The following EIF3H variants were observed in gnomAD, a reference collection of about 807,000 sequenced individuals.
EIF3H encodes eIF-3-gamma.
A neutral mutation model predicts 44.2 loss-of-function variants in EIF3H; 26 were observed. That is an observed-to-expected ratio of 0.59 (90% CI 0.43 to 0.82). EIF3H has a LOEUF of 0.82. Among genes scored for constraint, EIF3H ranks in the 40% least tolerant of loss-of-function variants. EIF3H has a pLI of 0.00. For missense variants in EIF3H, 359 were observed against 432.8 expected, an observed-to-expected ratio of 0.83 and a Z score of 1.51; for synonymous variants, 166 against 151.9, an observed-to-expected ratio of 1.09 and a Z score of -0.68.
chr8:116,650,392 A>G (rs1442356292), intron 5 of EIF3H, among the ~76,000 whole-genome samples: 1 of 152,208 alleles, frequency 6.6e-6, no homozygotes, highest in Admixed American at 6.5e-5. Flanking sequence ...TACCCTATGA[A>G]TATGTTTATA....
chr8:116,760,824 T>C (rs1586501237), intron 1 of EIF3H, among the ~76,000 whole-genome samples: 1 of 152,330 alleles, frequency 6.6e-6, no homozygotes, highest in East Asian at 1.9e-4. Context: ...AAACCATGAG[T>C]GAAAGAGTTG....
At chr8:116,699,290 A>C (rs1563645984) in intron 2 of EIF3H, among the ~76,000 whole-genome samples, 1 of 152,212 alleles carries the variant, frequency 6.6e-6, no homozygotes, top group Non-Finnish European at 1.5e-5. Flanking sequence ...CATACACTTC[A>C]ATTTTCATCC....
intron 2 of EIF3H, among the ~76,000 whole-genome samples, chr8:116,689,469 G>T (rs916028407): frequency 6.6e-6 from 1 of 152,050 alleles, no homozygotes; most frequent in Admixed American, 6.5e-5. Context: ...ATACAAGTGA[G>T]GGTAATGTTT....
chr8:116,750,231 A>G (rs1172300063), intron 1 of EIF3H, among the ~76,000 whole-genome samples: 1 of 152,290 alleles, frequency 6.6e-6, no homozygotes, highest in African/African-American at 2.4e-5. Flanking sequence ...TTCAAGTTAA[A>G]CTATATGGAG....
At chr8:116,691,704 G>A (rs555097774) in intron 2 of EIF3H, among the ~76,000 whole-genome samples, 10 of 152,074 alleles carry the variant, frequency 6.6e-5, no homozygotes, top group African/African-American at 1.7e-4. Context: ...GCGAAAGCCC[G>A]TCTCTACTAA....
chr8:116,656,690 TTTAA>T (rs1324682108), intron 4 of EIF3H, among the ~76,000 whole-genome samples: 1 of 151,558 alleles, frequency 6.6e-6, no homozygotes, highest in Non-Finnish European at 1.5e-5. Flanking sequence ...ATTCTAAGTA[TTTAA>T]TTTATTTAAA....
At chr8:116,716,727 A>T (rs1814664083) in intron 2 of EIF3H, among the ~76,000 whole-genome samples, 1 of 152,062 alleles carries the variant, frequency 6.6e-6, no homozygotes, top group Admixed American at 6.6e-5. Context: ...AGCGGGAATG[A>T]AGCCATTAAA....
At chr8:116,732,345 TA>T (rs1814963889) in intron 1 of EIF3H, among the ~76,000 whole-genome samples, 1 of 152,078 alleles carries the variant, frequency 6.6e-6, no homozygotes, top group Non-Finnish European at 1.5e-5. Context: ...AATAGCCAAA[TA>T]AATAACATTA....
intron 2 of EIF3H, among the ~76,000 whole-genome samples, chr8:116,706,028 T>G (rs569106201): frequency 9.0e-4 from 136 of 151,710 alleles, no homozygotes; most frequent in African/African-American, 3.1e-3. Context: ...TAAACTTTCT[T>G]GGAGTAAACA....
At chr8:116,674,290 A>G (rs987612824) in intron 2 of EIF3H, among the ~76,000 whole-genome samples, 9 of 118,136 alleles carry the variant, frequency 7.6e-5, no homozygotes, top group African/African-American at 2.9e-4. Context: ...CATAGAGTTC[A>G]GGTGCAAAAA....
upstream of EIF3H, among the ~76,000 whole-genome samples, chr8:116,756,781 CAA>C (rs1215646908): frequency 6.6e-6 from 1 of 152,164 alleles, no homozygotes; most frequent in Non-Finnish European, 1.5e-5. Flanking sequence ...CCACTCATTT[CAA>C]GTGTATATGA....
At chr8:116,744,535 G>A (rs1007915698) in intron 1 of EIF3H, among the ~76,000 whole-genome samples, 2 of 152,118 alleles carry the variant, frequency 1.3e-5, no homozygotes, top group Non-Finnish European at 2.9e-5. Context: ...GATGAAACAA[G>A]TACAGTTTGT....
chr8:116,694,564 G>A (rs1220705454), intron 2 of EIF3H, among the ~76,000 whole-genome samples: 1 of 152,068 alleles, frequency 6.6e-6, no homozygotes, highest in Non-Finnish European at 1.5e-5. Context: ...ATACAGATTT[G>A]TTTTACTTTT....
intron 2 of EIF3H, among the ~76,000 whole-genome samples, chr8:116,678,855 G>A (rs1174393983): frequency 2.8e-5 from 4 of 144,530 alleles, no homozygotes; most frequent in African/African-American, 5.1e-5. Context: ...CCGACCGGGA[G>A]GGAGGTGGGG....
At chr8:116,681,808 A>C in intron 2 of EIF3H, among the ~76,000 whole-genome samples, 1 of 152,232 alleles carries the variant, frequency 6.6e-6, no homozygotes, top group East Asian at 1.9e-4. Flanking sequence ...CTGTTCTGAT[A>C]ATTTTATTAT....
chr8:116,662,891 AT>A (rs1438869500), intron 2 of EIF3H, among the ~76,000 whole-genome samples: 1 of 152,212 alleles, frequency 6.6e-6, no homozygotes, highest in African/African-American at 2.4e-5. Flanking sequence ...GTCTTTCCAG[AT>A]TCCAATCTCC....
chr8:116,755,984 T>G (rs1446948793), upstream of EIF3H: 1 of 1,536,230 alleles, frequency 6.5e-7, no homozygotes. Flanking sequence ...TGTGCATGCC[T>G]ACTGTACATT....
At chr8:116,646,726 T>C (rs556410487) in intron 6 of EIF3H, 123 bp from the exon 7 acceptor site, 18 of 1,307,644 alleles carry the variant, frequency 1.4e-5, no homozygotes, top group Non-Finnish European at 1.6e-5. Context: ...GTTTTTATCA[T>C]TGGCAACATT....
chr8:116,765,099 G>GT (rs1815556802), intron 1 of EIF3H, among the ~76,000 whole-genome samples: 2 of 152,144 alleles, frequency 1.3e-5, no homozygotes, highest in African/African-American at 4.8e-5. Flanking sequence ...GACTCAGGTG[G>GT]TATCTCGTTT....
Sources: allele counts gnomAD v4.1 joint callset (sites outside exome capture counted in the v4.1 genomes callset), GRCh38; gene constraint gnomAD v4.1.1; transcripts MANE v1.5; gene names NCBI Gene and HGNC (gene_info 2026-07-23, HGNC 2026-07-21).